The following PAX3 variants were observed in gnomAD, a reference collection of about 807,000 sequenced individuals.
PAX3 encodes the protein paired box protein Pax-3.
Under a neutral mutation model 51.6 loss-of-function variants are expected in PAX3, and 14 were observed. That is an observed-to-expected ratio of 0.27 (90% confidence interval 0.18 to 0.42). The LOEUF is 0.42. Among genes scored for constraint, PAX3 ranks in the 10% least tolerant of loss-of-function variants. The probability of loss-of-function intolerance (pLI) is 1.00; values close to 1 mark genes in which losing one functional copy is unlikely to be tolerated. For synonymous variants in PAX3, 280 were observed against 253.4 expected (o/e 1.11, Z -1.00); for missense variants, 540 against 642.8 (o/e 0.84, Z 1.73).
At chr2:222,225,437 G>T (rs1199043035) in intron 5 of PAX3, among the ~76,000 whole-genome samples, 1 of 152,120 alleles carries the variant, frequency 6.6e-6, no homozygotes, top group East Asian at 1.9e-4. Context: ...AATTAGAAAA[G>T]AAATTTTCAT....
intron 4 of PAX3, among the ~76,000 whole-genome samples, chr2:222,260,548 A>C (rs1693806212): frequency 2.3e-5 from 3 of 127,842 alleles, no homozygotes; most frequent in South Asian, 2.7e-4. Context: ...TTCAAGCAAC[A>C]CAAGTTTTTT....
intron 4 of PAX3, among the ~76,000 whole-genome samples, chr2:222,281,697 C>G (rs1694652675): frequency 6.6e-6 from 1 of 152,204 alleles, no homozygotes; most frequent in Non-Finnish European, 1.5e-5. Flanking sequence ...GAGCTGCATA[C>G]TTTTACAGGT....
chr2:222,284,763 C>A (rs1694776178), intron 4 of PAX3, among the ~76,000 whole-genome samples: 1 of 152,190 alleles, frequency 6.6e-6, no homozygotes, highest in Admixed American at 6.5e-5. Context: ...CCCCCCCGAC[C>A]AAGACTTTTG....
chr2:222,212,873 T>C (rs573717411), intron 7 of PAX3, among the ~76,000 whole-genome samples: 1 of 152,330 alleles, frequency 6.6e-6, no homozygotes, highest in East Asian at 1.9e-4. Context: ...AGCACGGCTA[T>C]GTATTGCTGA....
intron 4 of PAX3, among the ~76,000 whole-genome samples, chr2:222,233,781 A>G (rs951454275): frequency 6.6e-6 from 1 of 152,142 alleles, no homozygotes; most frequent in African/African-American, 2.4e-5. Flanking sequence ...AAATTCCCCA[A>G]ATAACTAAGG....
intron 4 of PAX3, among the ~76,000 whole-genome samples, chr2:222,273,573 A>G (rs924997252): frequency 7.2e-5 from 11 of 152,188 alleles, no homozygotes; most frequent in African/African-American, 2.4e-4. Flanking sequence ...AATGTATAAA[A>G]GCTGTGTGTC....
At chr2:222,208,001 GTGTA>G (rs1691579462) in intron 7 of PAX3, among the ~76,000 whole-genome samples, 1 of 133,198 alleles carries the variant, frequency 7.5e-6, no homozygotes, top group Non-Finnish European at 1.8e-5. Flanking sequence ...ATATATGTGT[GTGTA>G]TATATATATA....
At chr2:222,242,265 G>C (rs1693044857) in intron 4 of PAX3, 1 of 152,098 alleles carries the variant, frequency 6.6e-6, no homozygotes, top group Admixed American at 6.5e-5. Context: ...TGGTTAACTA[G>C]AGGCAGAACA....
chr2:222,292,822 C>T (rs538631679), intron 4 of PAX3, among the ~76,000 whole-genome samples: 1 of 152,348 alleles, frequency 6.6e-6, no homozygotes, highest in African/African-American at 2.4e-5. Context: ...GAAGCATCTC[C>T]CTGCCCAACC....
chr2:222,243,384 A>AT (rs1693092199), intron 4 of PAX3, among the ~76,000 whole-genome samples: 1 of 152,248 alleles, frequency 6.6e-6, no homozygotes, highest in Non-Finnish European at 1.5e-5. Flanking sequence ...TGAAAGAAAC[A>AT]TTTATTAAAT....
chr2:222,291,530 T>C (rs912481961), intron 4 of PAX3, among the ~76,000 whole-genome samples: 1 of 152,146 alleles, frequency 6.6e-6, no homozygotes, highest in African/African-American at 2.4e-5. Flanking sequence ...ATGAGGTGAT[T>C]CTGACCTCAT....
chr2:222,225,349 C>A (rs562629335), intron 5 of PAX3, among the ~76,000 whole-genome samples: 2 of 152,118 alleles, frequency 1.3e-5, no homozygotes, highest in African/African-American at 4.8e-5. Context: ...AGTATAATGT[C>A]CAATGATTTT....
At position 222,220,218 on chromosome 2, in the gene PAX3, G is replaced by A; in HGVS notation, c.1095C>T (p.Ser365=). 6.2e-7 allele frequency: 1 copy of A among 1,614,000 alleles called. No individual in the cohort carries two copies. ...ACGGAGGCACAAAGCTGTCTGTATA[G>A]CTGGAAAATCCATGCCTGGTGCTGG... The part of the protein sequence containing the change: ...CLPSTRHGFS[S]YTDSFVPPSG... Residue 365 remains serine (S), a synonymous_variant, in exon 7 of 9, where the codon AGC becomes AGT. Coordinates refer to ENST00000392070, the MANE Select transcript of PAX3 (RefSeq NM_181458.4).
intron 4 of PAX3, among the ~76,000 whole-genome samples, chr2:222,271,451 C>G (rs939374977): frequency 2.0e-5 from 3 of 152,180 alleles, no homozygotes; most frequent in African/African-American, 7.2e-5. Flanking sequence ...AATGGTGATG[C>G]TGATGATGAT....
At chr2:222,275,246 C>T (rs976139411) in intron 4 of PAX3, among the ~76,000 whole-genome samples, 2 of 152,074 alleles carry the variant, frequency 1.3e-5, no homozygotes, top group African/African-American at 4.8e-5. Context: ...CTAACATTCT[C>T]GTTTTATAAT....
chr2:222,259,460 C>G (rs909457320), intron 4 of PAX3, among the ~76,000 whole-genome samples: 1 of 152,138 alleles, frequency 6.6e-6, no homozygotes, highest in Non-Finnish European at 1.5e-5. Flanking sequence ...AATATAAAGA[C>G]TAGGCATAGC....
intron 4 of PAX3, among the ~76,000 whole-genome samples, chr2:222,275,023 T>A (rs1232732043): frequency 6.6e-6 from 1 of 152,204 alleles, no homozygotes; most frequent in Non-Finnish European, 1.5e-5. Context: ...TAGCTAGAAG[T>A]GAAGTGGCTA....
At chr2:222,256,518 C>T (rs1278099028) in intron 4 of PAX3, among the ~76,000 whole-genome samples, 2 of 152,046 alleles carry the variant, frequency 1.3e-5, no homozygotes, top group Non-Finnish European at 2.9e-5. Context: ...CAAAGACCCC[C>T]TAACCTCCTC....
chr2:222,275,026 AG>A (rs1694370649), intron 4 of PAX3, among the ~76,000 whole-genome samples: 1 of 152,200 alleles, frequency 6.6e-6, no homozygotes, highest in Admixed American at 6.5e-5. Flanking sequence ...CTAGAAGTGA[AG>A]TGGCTAAGAT....
Sources: gnomAD v4.1 joint callset for allele counts (sites outside exome capture counted in the v4.1 genomes callset) on GRCh38, gnomAD v4.1.1 for gene constraint, MANE v1.5 for transcripts, NCBI Gene and HGNC (gene_info 2026-07-23, HGNC 2026-07-21) for gene names.